Variants in PALLD observed in about 807,000 individuals in gnomAD.
The protein encoded by PALLD is palladin, cytoskeletal associated protein, also known as palladin.
In PALLD, 61 loss-of-function variants were observed where a neutral mutation model predicts 123.5. That is an observed-to-expected ratio of 0.49 (90% CI 0.40 to 0.61). The LOEUF (loss-of-function observed/expected upper bound fraction) is 0.61, where lower values mean the gene tolerates loss of function less well. Among genes scored for constraint, PALLD ranks in the 20% least tolerant of loss-of-function variants. The pLI is 0.00. For missense variants in PALLD, 1,273 were observed against 1,377.0 expected (o/e 0.92, Z 1.20); for synonymous variants, 465 against 496.4 (o/e 0.94, Z 0.84).
intron 10 of PALLD, among the ~76,000 whole-genome samples, chr4:168,874,791 C>T (rs1231187808): frequency 6.6e-6 from 1 of 152,140 alleles, no homozygotes; most frequent in Non-Finnish European, 1.5e-5. Context: ...TACTTAAAAC[C>T]AGTCTTCCCA....
chr4:168,707,329 G>A (rs1458564733), intron 8 of PALLD, among the ~76,000 whole-genome samples: 1 of 152,174 alleles, frequency 6.6e-6, no homozygotes, highest in Non-Finnish European at 1.5e-5. Context: ...ACCTCAGCTG[G>A]GTGGTTTTTG....
chr4:168,597,897 GTTATGAGCT>G (rs1772152657), intron 2 of PALLD, among the ~76,000 whole-genome samples: 1 of 152,142 alleles, frequency 6.6e-6, no homozygotes, highest in South Asian at 2.1e-4. Flanking sequence ...ACAGTGGTGT[GTTATGAGCT>G]TTACATTATT....
At chr4:168,920,635 C>T (rs1030457799) in intron 17 of PALLD, among the ~76,000 whole-genome samples, 1 of 152,100 alleles carries the variant, frequency 6.6e-6, no homozygotes, top group East Asian at 1.9e-4. Flanking sequence ...CAATTAAATG[C>T]TTTTATCTGA....
Position 168,903,917 on chromosome 4 carries a change from G to C in PALLD, c.2622+11G>C. The C allele has an allele frequency of 6.2e-7, 1 of 1,612,908 alleles. No individual in the cohort carries two copies. The highest frequency in any genetic ancestry group is 2.2e-5 in the East Asian group (1 of 44,862). Reference sequence around the variant, plus strand: ...GCTGCAAACCCTCAGGTAAAGAAGGGTATAGGTCTGGGCTCAGTTCTGTGT... The same window carrying C: ...GCTGCAAACCCTCAGGTAAAGAAGGCTATAGGTCTGGGCTCAGTTCTGTGT... On this transcript the variant is annotated intron_variant, in intron 15 of 21. Transcript: ENST00000505667.
At chr4:168,606,677 A>C (rs1773215069) in intron 2 of PALLD, among the ~76,000 whole-genome samples, 1 of 152,138 alleles carries the variant, frequency 6.6e-6, no homozygotes, top group African/African-American at 2.4e-5. Context: ...AAAAAAAAAA[A>C]AAAAAAAGAT....
intron 10 of PALLD, among the ~76,000 whole-genome samples, chr4:168,728,786 G>A (rs1786851156): frequency 6.6e-6 from 1 of 151,910 alleles, no homozygotes; most frequent in African/African-American, 2.4e-5. Flanking sequence ...TAATTCGTGA[G>A]ATCTTGGTGC....
chr4:168,902,042 G>C (rs1286888469), intron 14 of PALLD, among the ~76,000 whole-genome samples: 1 of 152,142 alleles, frequency 6.6e-6, no homozygotes, highest in Non-Finnish European at 1.5e-5. Flanking sequence ...TGAAAAGTTA[G>C]AGCAGTCATA....
intron 18 of PALLD, among the ~76,000 whole-genome samples, chr4:168,922,645 A>G (rs753508067): frequency 1.3e-5 from 2 of 152,238 alleles, no homozygotes; most frequent in Non-Finnish European, 2.9e-5. Flanking sequence ...TGATAATGGT[A>G]CCAAGATGTT....
At chr4:168,649,943 C>A (rs1247410258) in intron 2 of PALLD, among the ~76,000 whole-genome samples, 1 of 152,182 alleles carries the variant, frequency 6.6e-6, no homozygotes, top group Admixed American at 6.5e-5. Flanking sequence ...CTTTGGGAGG[C>A]TGAGGCGGGC....
chr4:168,722,043 A>G (rs1786071932), intron 10 of PALLD, among the ~76,000 whole-genome samples: 2 of 152,038 alleles, frequency 1.3e-5, no homozygotes, highest in Non-Finnish European at 2.9e-5. Flanking sequence ...ATTTATGTAT[A>G]TATGTATGTA....
At chr4:168,820,671 A>G (rs1487943388) in intron 10 of PALLD, among the ~76,000 whole-genome samples, 4 of 152,060 alleles carry the variant, frequency 2.6e-5, no homozygotes, top group African/African-American at 9.7e-5. Context: ...AGTTTTTGAA[A>G]ATACACCTAA....
intron 15 of PALLD, among the ~76,000 whole-genome samples, chr4:168,904,981 G>A (rs984820355): frequency 2.0e-5 from 3 of 151,752 alleles, no homozygotes; most frequent in Admixed American, 6.6e-5. Flanking sequence ...ACAAAAATTA[G>A]CCAGGTGTGG....
chr4:168,714,485 C>T (rs1305340039), intron 10 of PALLD, among the ~76,000 whole-genome samples: 1 of 152,146 alleles, frequency 6.6e-6, no homozygotes, highest in Non-Finnish European at 1.5e-5. Context: ...TGTAGAACAG[C>T]ATCTGAGTTA....
At position 168,512,273 on chromosome 4, in the gene PALLD, T is replaced by C. The variant is rs757732665; in HGVS notation, c.769T>C (p.Ser257Pro). 1.2e-6 allele frequency: 2 copies of C among 1,614,004 alleles called. No individual in the cohort carries two copies. The highest frequency in any genetic ancestry group is 2.2e-5 in the South Asian group (2 of 91,072). The change falls in exon 2 of 22, where the codon TCT becomes CCT. Residue 257 changes from serine to proline, a missense_variant. Transcript: ENST00000505667. ...CTTGGCAGTGCCACACAACCGCAAG[T>C]CTCACCCACAGCCCCACAGCGCCCT... ...QDLAVPHNRKSHPQPHSALHF... is the reference protein window; with the variant it reads ...QDLAVPHNRKPHPQPHSALHF...
chr4:168,651,726 G>A (rs1778062103), intron 2 of PALLD, among the ~76,000 whole-genome samples: 1 of 152,114 alleles, frequency 6.6e-6, no homozygotes, highest in Non-Finnish European at 1.5e-5. Context: ...AGAAGAGGTA[G>A]GGGAGGAGGG....
At chr4:168,606,304 G>A (rs939830608) in intron 2 of PALLD, among the ~76,000 whole-genome samples, 20 of 151,906 alleles carry the variant, frequency 1.3e-4, no homozygotes, top group Non-Finnish European at 2.6e-4. Context: ...TCAGACCCTC[G>A]CCACCCAGGA....
At chr4:168,585,144 A>C (rs1312948290) in intron 2 of PALLD, among the ~76,000 whole-genome samples, 1 of 152,256 alleles carries the variant, frequency 6.6e-6, no homozygotes, top group Non-Finnish European at 1.5e-5. Context: ...GTAGGAACAC[A>C]GGACATACTG....
In PALLD at chr4:168,903,919, A is replaced by G. The variant is rs1757078230; in HGVS notation, c.2622+13A>G. 2 of 1,612,624 alleles carry G rather than the reference A, an allele frequency of 1.2e-6. No individual in the cohort carries two copies. Among genetic ancestry groups the G allele is most frequent in the African/African-American group, 1.3e-5 (1 of 75,016 alleles). On this transcript the variant is annotated intron_variant, in intron 15 of 21. Transcript: ENST00000505667. The stretch of plus-strand genomic sequence containing the variant: ...TGCAAACCCTCAGGTAAAGAAGGGT[A>G]TAGGTCTGGGCTCAGTTCTGTGTCT...
chr4:168,691,910 G>A (rs1203875368), intron 8 of PALLD, among the ~76,000 whole-genome samples: 2 of 152,152 alleles, frequency 1.3e-5, no homozygotes, highest in Admixed American at 6.5e-5. Context: ...GACATATTGC[G>A]TATTTATGGT....
Sources: allele counts gnomAD v4.1 joint callset (sites outside exome capture counted in the v4.1 genomes callset), GRCh38; gene constraint gnomAD v4.1.1; transcripts MANE v1.5; gene names NCBI Gene and HGNC (gene_info 2026-07-23, HGNC 2026-07-21).